Variants in FAP observed in about 807,000 individuals in gnomAD.
FAP encodes the protein prolyl endopeptidase FAP.
Under a neutral mutation model 126.5 loss-of-function variants are expected in FAP, and 110 were observed. The observed-to-expected ratio is 0.87, with a 90% CI of 0.74 to 1.02. The LOEUF is 1.02. Ranked by LOEUF, FAP falls within the 50% of genes least tolerant of loss-of-function variation. The probability of loss-of-function intolerance (pLI) is 0.00; values close to 1 mark genes in which losing one functional copy is unlikely to be tolerated. For synonymous variants in FAP, 334 were observed against 297.3 expected (o/e 1.12, Z -1.27); for missense variants, 919 against 909.2 (o/e 1.01, Z -0.14).
At chr2:162,241,741 T>C (rs1450912972) in intron 2 of FAP, among the ~76,000 whole-genome samples, 2 of 152,072 alleles carry the variant, frequency 1.3e-5, no homozygotes, top group African/African-American at 4.8e-5. Context: ...AACATGAAAA[T>C]TTATGAAAGA....
chr2:162,213,332 C>T (rs1264340043), intron 11 of FAP, among the ~76,000 whole-genome samples: 1 of 150,608 alleles, frequency 6.6e-6, no homozygotes. Flanking sequence ...GTCCAGATTG[C>T]GCCACTGCAC....
intron 16 of FAP, 35 bp from the exon 17 acceptor site, chr2:162,194,783 T>C (rs749819048): frequency 1.9e-6 from 3 of 1,600,564 alleles, no homozygotes; most frequent in Admixed American, 3.3e-5. Flanking sequence ...CATGGCTTAG[T>C]GTTAAAATAA....
chr2:162,200,623 A>G lies in FAP; in HGVS notation c.1224-4T>C. ...AAATTCATTGCTAGAATAAAACCTG[A>G]AAATATATTCAGAAATTATTAAGTA... On this transcript the variant is annotated splice_polypyrimidine_tract_variant and splice_region_variant and intron_variant, in intron 14 of 25. Coordinates refer to ENST00000188790, the MANE Select transcript of FAP (RefSeq NM_004460.5). 3 of 1,336,216 alleles carry G rather than the reference A, an allele frequency of 2.2e-6. No homozygotes were observed. Among genetic ancestry groups the G allele is most frequent in the Non-Finnish European group, 3.1e-6 (3 of 955,912 alleles). The allele number at this position is 1,336,216 out of a possible 1,614,324, so 82.8% of individuals were successfully genotyped here. A position where few individuals can be genotyped will look rare whatever the true frequency, so the allele number is the denominator to read the frequency against.
At chr2:162,191,354 C>T (rs1266631724) in intron 17 of FAP, among the ~76,000 whole-genome samples, 2 of 151,980 alleles carry the variant, frequency 1.3e-5, no homozygotes, top group African/African-American at 4.8e-5. Context: ...AGTGACTGGG[C>T]AATTTTTCCA....
At position 162,243,370 on chromosome 2, in the gene FAP, G is replaced by C. The variant is rs138337544; in HGVS notation, c.-43C>G. On this transcript the variant is annotated 5_prime_UTR_variant, in exon 1 of 26. Coordinates refer to ENST00000188790, the MANE Select transcript of FAP (RefSeq NM_004460.5). ...AAAGTTAGCTAATTCTGTCTTCAGAGCGTGGGTCACTGGATCTGTGAAAAC... is the reference window on the plus strand; with the variant it reads ...AAAGTTAGCTAATTCTGTCTTCAGACCGTGGGTCACTGGATCTGTGAAAAC... 1 of 1,606,006 alleles carries C rather than the reference G, an allele frequency of 6.2e-7. No individual in the cohort carries two copies. Among genetic ancestry groups the C allele is most frequent in the African/African-American group, 1.3e-5 (1 of 74,466 alleles).
At chr2:162,234,872 G>A (rs1039724377) in intron 2 of FAP, among the ~76,000 whole-genome samples, 2 of 152,128 alleles carry the variant, frequency 1.3e-5, no homozygotes, top group African/African-American at 4.8e-5. Context: ...GAGGCAGGGA[G>A]GGGAACCCGG....
In FAP at chr2:162,170,976, T is replaced by C. The variant is rs964378405; in HGVS notation, c.*3A>G. 6.2e-7 allele frequency: 1 copy of C among 1,610,844 alleles called. No individual in the cohort carries two copies. Among genetic ancestry groups the C allele is most frequent in the East Asian group, 2.2e-5 (1 of 44,832 alleles). ...CTGATACAGGCTTGCATCTGCATCG[T>C]TTTTAGTCTGACAAAGAGAAACACT... On this transcript the variant is annotated 3_prime_UTR_variant, in exon 26 of 26. Transcript: ENST00000188790.
At chr2:162,206,756 G>A (rs937508613) in intron 12 of FAP, among the ~76,000 whole-genome samples, 2 of 152,170 alleles carry the variant, frequency 1.3e-5, no homozygotes, top group South Asian at 2.1e-4. Flanking sequence ...TATTTTTTCT[G>A]ATTAATACCA....
At chr2:162,200,421 C>T (rs549541545) in intron 15 of FAP, 145 bp downstream of exon 15, 2 of 551,340 alleles carry the variant, frequency 3.6e-6, no homozygotes, top group South Asian at 2.3e-5. Context: ...TTTTTATACC[C>T]ATTCTCCAAA....
At chr2:162,171,271 T>G (rs1687295817) in intron 25 of FAP, 191 bp from the exon 26 acceptor site, 1 of 520,838 alleles carries the variant, frequency 1.9e-6, no homozygotes, top group African/African-American at 1.9e-5. Flanking sequence ...CCTCCACTAC[T>G]GTTTCACATG....
intron 2 of FAP, among the ~76,000 whole-genome samples, chr2:162,228,056 A>G (rs1319182569): frequency 6.6e-6 from 1 of 152,194 alleles, no homozygotes; most frequent in African/African-American, 2.4e-5. Context: ...AACAGTTACC[A>G]TAAGGCCAGG....
intron 21 of FAP, among the ~76,000 whole-genome samples, chr2:162,179,407 T>C (rs1010430216): frequency 1.3e-5 from 2 of 152,164 alleles, no homozygotes; most frequent in East Asian, 3.8e-4. Flanking sequence ...AGGATTAAAG[T>C]CAGTTTAAAC....
chr2:162,230,092 A>C (rs1689835264), intron 2 of FAP, among the ~76,000 whole-genome samples: 1 of 152,132 alleles, frequency 6.6e-6, no homozygotes, highest in South Asian at 2.1e-4. Flanking sequence ...TCCAGGGCTT[A>C]GAAAGTGTAA....
rs113869661 is a variant in FAP at position 162,192,868 on chromosome 2, T to C, written c.1450+1833A>G. On this transcript the variant is annotated intron_variant, in intron 17 of 25. Coordinates refer to ENST00000188790, the MANE Select transcript of FAP (RefSeq NM_004460.5). ...ATGAGTCTCGGGTTTGTGGTAGTTA[T>C]CATTAGTAAACATTTCCTAACCCCC... Among the ~76,000 whole-genome samples, 372 of 152,290 alleles carry C rather than the reference T, an allele frequency of 2.4e-3. 2 individuals carry two copies. Among genetic ancestry groups the C allele is most frequent in the African/African-American group, 8.3e-3 (343 of 41,558 alleles).
At chr2:162,226,068 A>G (rs1452468696) in intron 3 of FAP, among the ~76,000 whole-genome samples, 3 of 152,088 alleles carry the variant, frequency 2.0e-5, no homozygotes, top group Non-Finnish European at 4.4e-5. Flanking sequence ...ATTTGATTAG[A>G]TTTGCTTTAT....
intron 2 of FAP, among the ~76,000 whole-genome samples, chr2:162,239,081 T>C (rs1263652286): frequency 6.6e-6 from 1 of 152,218 alleles, no homozygotes; most frequent in Admixed American, 6.5e-5. Flanking sequence ...GTTTAAATGA[T>C]TTTGGTCTCA....
rs1415891435 is a variant in FAP, at chr2:162,215,899, T to C, written c.865A>G (p.Ser289Gly). The C allele has an allele frequency of 6.2e-7, 1 of 1,608,596 alleles. No individual in the cohort carries two copies. Among genetic ancestry groups the C allele is most frequent in the African/African-American group, 1.3e-5 (1 of 74,832 alleles). Residue 289 changes from serine to glycine, a missense_variant and splice_region_variant, in exon 10 of 26, where the codon AGT becomes GGT. Physicochemically the swap from Ser to Gly is moderately conservative, Grantham distance 56. Coordinates refer to ENST00000188790, the MANE Select transcript of FAP (RefSeq NM_004460.5). ...TGGGAGGGATCTGAGATGAACTACC[T>C]TGAGGCTATCATTGCTGGAACAGGC... The part of the protein sequence containing the change: ...EVPVPAMIAS[S>G]DYYFSWLTWV...
At chr2:162,229,010 TAAC>T (rs893427456) in intron 2 of FAP, among the ~76,000 whole-genome samples, 1 of 152,152 alleles carries the variant, frequency 6.6e-6, no homozygotes, top group African/African-American at 2.4e-5. Flanking sequence ...AATACCAAGA[TAAC>T]AATTTTTTTA....
intron 25 of FAP, chr2:162,172,265 C>G (rs1687334376): frequency 6.6e-6 from 1 of 152,250 alleles, no homozygotes; most frequent in Non-Finnish European, 1.5e-5. Flanking sequence ...CTCAAGCAAC[C>G]TGGATTTTAC....
Sources: allele counts gnomAD v4.1 joint callset (sites outside exome capture counted in the v4.1 genomes callset), GRCh38; gene constraint gnomAD v4.1.1; transcripts MANE v1.5; gene names NCBI Gene and HGNC (gene_info 2026-07-23, HGNC 2026-07-21).